The following RETREG1 variants were observed in gnomAD, a reference collection of about 807,000 sequenced individuals.
RETREG1 encodes family with sequence similarity 134 member B.
RETREG1 carries 44 observed loss-of-function variants against 54.8 expected under a neutral mutation model. The ratio of observed to expected loss-of-function variants is 0.80; its 90% CI spans 0.63 to 1.03. The LOEUF is 1.03. RETREG1 is among the 50% of genes least tolerant of loss of function. RETREG1 has a pLI of 0.00. For synonymous variants in RETREG1, 217 were observed against 238.5 expected, an observed-to-expected ratio of 0.91 and a Z score of 0.83; for missense variants, 554 against 605.1, an observed-to-expected ratio of 0.92 and a Z score of 0.89.
intron 3 of RETREG1, among the ~76,000 whole-genome samples, chr5:16,529,273 G>C (rs1740837155): frequency 6.6e-6 from 1 of 152,082 alleles, no homozygotes; most frequent in Non-Finnish European, 1.5e-5. Context: ...ATTATAAAAG[G>C]TCATCAGTAA....
rs1742635775 is a variant in RETREG1 at position 16,586,750 on chromosome 5, T to C, written c.321-14648A>G. 2.0e-5 allele frequency among the ~76,000 whole-genome samples: 3 copies of C among 152,252 alleles called. No individual in the cohort carries two copies. The South Asian group carries it at 6.2e-4, about 31-fold the overall frequency. On this transcript the variant is annotated intron_variant, in intron 1 of 8. Transcript: ENST00000306320. Reference sequence around the variant, plus strand: ...ACACATAAACACATGCACATACTGGTGTCTTAATCCATTCCAGCTGCTGTA... The same window carrying C: ...ACACATAAACACATGCACATACTGGCGTCTTAATCCATTCCAGCTGCTGTA...
chr5:16,495,932 C>T (rs909205680), intron 3 of RETREG1, among the ~76,000 whole-genome samples: 34 of 152,032 alleles, frequency 2.2e-4, no homozygotes, highest in African/African-American at 7.2e-4. Flanking sequence ...CACTTAGGTG[C>T]GGGGACTGAG....
At chr5:16,484,771 C>T (rs963882644) in intron 3 of RETREG1, among the ~76,000 whole-genome samples, 7 of 152,080 alleles carry the variant, frequency 4.6e-5, no homozygotes, top group South Asian at 2.1e-4. Flanking sequence ...CATTTTCCTT[C>T]CTCTTTGTTC....
intron 3 of RETREG1, among the ~76,000 whole-genome samples, chr5:16,495,440 G>A (rs1199568675): frequency 6.6e-6 from 1 of 152,200 alleles, no homozygotes; most frequent in Non-Finnish European, 1.5e-5. Flanking sequence ...CAGAGGCCTA[G>A]GATGACATAA....
chr5:16,605,556 T>C (rs952221938), intron 1 of RETREG1, among the ~76,000 whole-genome samples: 1 of 152,226 alleles, frequency 6.6e-6, no homozygotes, highest in African/African-American at 2.4e-5. Flanking sequence ...TTGTAGCTTC[T>C]GACATTCAAA....
intron 5 of RETREG1, among the ~76,000 whole-genome samples, chr5:16,480,137 T>C (rs1738703937): frequency 6.6e-6 from 1 of 151,994 alleles, no homozygotes; most frequent in African/African-American, 2.4e-5. Context: ...TCCAGTCTCC[T>C]GCCTCTTCTC....
At chr5:16,538,288 C>T (rs1243013553) in intron 3 of RETREG1, among the ~76,000 whole-genome samples, 1 of 152,208 alleles carries the variant, frequency 6.6e-6, no homozygotes, top group Admixed American at 6.5e-5. Flanking sequence ...GATGTGACTG[C>T]TCTAGGCAGC....
chr5:16,477,557 G>A, intron 8 of RETREG1, 105 bp downstream of exon 8: 2 of 1,065,558 alleles, frequency 1.9e-6, no homozygotes, highest in Non-Finnish European at 2.9e-6. Flanking sequence ...ATTCTACTGT[G>A]TAGATATGGT....
At chr5:16,547,680 C>G (rs1741425380) in intron 3 of RETREG1, among the ~76,000 whole-genome samples, 1 of 152,132 alleles carries the variant, frequency 6.6e-6, no homozygotes, top group Admixed American at 6.5e-5. Context: ...TATAAAGGTA[C>G]ATGATGTGTT....
intron 1 of RETREG1, among the ~76,000 whole-genome samples, chr5:16,612,315 T>C (rs780337623): frequency 6.4e-4 from 97 of 152,146 alleles, no homozygotes; most frequent in Non-Finnish European, 1.2e-3. Flanking sequence ...TTATTGGTGG[T>C]AAACCACAAA....
intron 1 of RETREG1, among the ~76,000 whole-genome samples, chr5:16,600,247 C>T (rs565746207): frequency 3.3e-5 from 5 of 152,280 alleles, no homozygotes; most frequent in South Asian, 2.1e-4. Context: ...GTGATCCACC[C>T]ACCTCAGCCT....
chr5:16,552,154 AC>A (rs1452319159), intron 3 of RETREG1, among the ~76,000 whole-genome samples: 4 of 152,164 alleles, frequency 2.6e-5, no homozygotes, highest in African/African-American at 9.7e-5. Flanking sequence ...CCTGCCCCAA[AC>A]ACACAATGGT....
intron 1 of RETREG1, among the ~76,000 whole-genome samples, chr5:16,592,912 AAG>A (rs1742814951): frequency 6.6e-6 from 1 of 152,158 alleles, no homozygotes; most frequent in Admixed American, 6.5e-5. Flanking sequence ...GGTGGGAGGA[AAG>A]AGAAGAGCAG....
In RETREG1 at chr5:16,575,621, A is replaced by G. The variant is rs540624935; in HGVS notation, c.321-3519T>C. Among the ~76,000 whole-genome samples the G allele has an allele frequency of 1.2e-3, 183 of 152,198 alleles. 1 individual carries two copies. The highest frequency in any genetic ancestry group is 4.3e-3 in the African/African-American group (178 of 41,502). ...TCATTTGGAAGGCATTGCCACAGCA[A>G]CTCCAAAGAGCACTCGGGATGTCTG... is the stretch of plus-strand genomic sequence containing the variant. On this transcript the variant is annotated intron_variant, in intron 1 of 8. Coordinates refer to ENST00000306320, the MANE Select transcript of RETREG1 (RefSeq NM_001034850.3).
intron 3 of RETREG1, among the ~76,000 whole-genome samples, chr5:16,559,515 C>G (rs912818809): frequency 6.6e-6 from 1 of 152,162 alleles, no homozygotes; most frequent in Non-Finnish European, 1.5e-5. Context: ...AATCCGATAG[C>G]TCTCAGCCAT....
chr5:16,614,784 G>C (rs937611568), intron 1 of RETREG1, among the ~76,000 whole-genome samples: 2 of 152,362 alleles, frequency 1.3e-5, no homozygotes, highest in Non-Finnish European at 2.9e-5. Context: ...GACAGGTTAA[G>C]TAATTTGAGA....
At chr5:16,528,665 T>C (rs895707555) in intron 3 of RETREG1, among the ~76,000 whole-genome samples, 2 of 152,234 alleles carry the variant, frequency 1.3e-5, no homozygotes, top group African/African-American at 4.8e-5. Context: ...GGTAAAGTTA[T>C]ATGTAACTTT....
chr5:16,548,484 A>G (rs1300923032), intron 3 of RETREG1, among the ~76,000 whole-genome samples: 1 of 152,228 alleles, frequency 6.6e-6, no homozygotes, highest in Non-Finnish European at 1.5e-5. Context: ...CAGTTGATCC[A>G]CAGAAACATA....
chr5:16,494,709 A>T (rs976245957), intron 3 of RETREG1, among the ~76,000 whole-genome samples: 11 of 152,154 alleles, frequency 7.2e-5, no homozygotes, highest in Non-Finnish European at 1.3e-4. Context: ...TTCCTTATAG[A>T]TTACCCAGTC....
Sources: allele counts gnomAD v4.1 joint callset (sites outside exome capture counted in the v4.1 genomes callset), GRCh38; gene constraint gnomAD v4.1.1; transcripts MANE v1.5; gene names NCBI Gene and HGNC (gene_info 2026-07-23, HGNC 2026-07-21).